Variants in FXN observed in about 807,000 individuals in gnomAD.
FXN encodes the protein frataxin, mitochondrial.
FXN carries 14 observed loss-of-function variants against 22.4 expected under a neutral mutation model. The observed-to-expected ratio is 0.62, with a 90% CI of 0.41 to 0.98. The LOEUF is 0.98. Ranked by LOEUF, FXN falls within the 50% of genes least tolerant of loss-of-function variation. The pLI, the probability that FXN is intolerant of heterozygous loss-of-function variation, is 0.00. For missense variants in FXN, 267 were observed against 268.4 expected (o/e 0.99, Z 0.04); for synonymous variants, 120 against 114.1 (o/e 1.05, Z -0.33).
At chr9:69,042,812 C>CA (rs1350464137) in intron 1 of FXN, among the ~76,000 whole-genome samples, 3 of 152,190 alleles carry the variant, frequency 2.0e-5, no homozygotes, top group Non-Finnish European at 2.9e-5. Context: ...CCCACATTCT[C>CA]AGACACTTTT....
chr9:69,063,898 G>A (rs745517860), intron 3 of FXN, among the ~76,000 whole-genome samples: 3 of 152,084 alleles, frequency 2.0e-5, no homozygotes, highest in Admixed American at 6.6e-5. Context: ...TGCCTAGGCC[G>A]GTCTGGAACT....
chr9:69,059,601 T>A (rs1832030100), intron 3 of FXN, among the ~76,000 whole-genome samples: 1 of 151,716 alleles, frequency 6.6e-6, no homozygotes, highest in African/African-American at 2.4e-5. Context: ...AGATGGGGTT[T>A]CACCATGTTG....
In FXN at chr9:69,078,268, C is replaced by A. The variant is rs377312254; in HGVS notation, c.*5506C>A. On this transcript the variant is annotated 3_prime_UTR_variant, in exon 5 of 5. Coordinates refer to ENST00000484259, the MANE Select transcript of FXN (RefSeq NM_000144.5). ...TGGTGCCACTGACAGTTATGCAAAC[C>A]GTCCAGAGCATAGCCACCTGATCCT... is the stretch of plus-strand genomic sequence containing the variant. The A allele has an allele frequency of 2.0e-6, 2 of 985,258 alleles. No individual in the cohort carries two copies. 61.0% of individuals were successfully genotyped at this position (985,258 alleles called of 1,614,324 possible). A position where few individuals can be genotyped will look rare whatever the true frequency, so the allele number is the denominator to read the frequency against.
intron 3 of FXN, among the ~76,000 whole-genome samples, chr9:69,064,636 C>T (rs1832137487): frequency 6.6e-6 from 1 of 152,134 alleles, no homozygotes; most frequent in Non-Finnish European, 1.5e-5. Context: ...AGCACCAAGA[C>T]CTGAGACAGG....
chr9:69,078,540 C>T lies in FXN; in HGVS notation c.*5778C>T. 1 of 985,532 alleles carries T rather than the reference C, an allele frequency of 1.0e-6. No homozygotes were observed. Among genetic ancestry groups the T allele is most frequent in the South Asian group, 4.7e-5 (1 of 21,284 alleles). The allele number at this position is 985,532 out of a possible 1,614,324, so 61.0% of individuals were successfully genotyped here. On this transcript the variant is annotated 3_prime_UTR_variant, in exon 5 of 5. Coordinates refer to ENST00000484259, the MANE Select transcript of FXN (RefSeq NM_000144.5). ...TGTAAAACCTAAGCAGGACCAAGGCCAAGTTTCTTAGCCTGAAAAATGTGC... is the reference window on the plus strand; with the variant it reads ...TGTAAAACCTAAGCAGGACCAAGGCTAAGTTTCTTAGCCTGAAAAATGTGC...
chr9:69,076,892 C>T lies in FXN; in HGVS notation c.*4130C>T. 1 of 985,412 alleles carries T rather than the reference C, an allele frequency of 1.0e-6. No homozygotes were observed. The highest frequency in any genetic ancestry group is 1.2e-6 in the Non-Finnish European group (1 of 829,944). 61.0% of individuals were successfully genotyped at this position (985,412 alleles called of 1,614,324 possible). On this transcript the variant is annotated 3_prime_UTR_variant, in exon 5 of 5. Coordinates refer to ENST00000484259, the MANE Select transcript of FXN (RefSeq NM_000144.5). ...TTTATGCTGTTCAAAACGACGAGTT[C>T]ATGACTTTGTGTATAGAGTAAGAAA...
At chr9:69,047,648 C>T (rs1040064303) in intron 2 of FXN, among the ~76,000 whole-genome samples, 2 of 152,212 alleles carry the variant, frequency 1.3e-5, no homozygotes, top group African/African-American at 4.8e-5. Context: ...CTGCTAATAA[C>T]AGTTTGGGGT....
Position 69,077,374 on chromosome 9 carries a change from T to C in FXN, c.*4612T>C. 1 of 985,468 alleles carries C rather than the reference T, an allele frequency of 1.0e-6. No homozygotes were observed. Among genetic ancestry groups the C allele is most frequent in the Non-Finnish European group, 1.2e-6 (1 of 829,958 alleles). 61.0% of individuals were successfully genotyped at this position (985,468 alleles called of 1,614,324 possible). On this transcript the variant is annotated 3_prime_UTR_variant, in exon 5 of 5. Coordinates refer to ENST00000484259, the MANE Select transcript of FXN (RefSeq NM_000144.5). ...ATCCAAGCTCATATGTTCCATCTTC[T>C]CTGGCTGTATAGTTTAAGGAATGGA...
In FXN at chr9:69,077,619, A is replaced by G; in HGVS notation, c.*4857A>G. 6 of 985,476 alleles carry G rather than the reference A, an allele frequency of 6.1e-6. No individual in the cohort carries two copies. The highest frequency in any genetic ancestry group is 7.2e-6 in the Non-Finnish European group (6 of 829,984). The allele number at this position is 985,476 out of a possible 1,614,324, so 61.0% of individuals were successfully genotyped here. ...GATCTGTGGGAACATTGTTAACGCC[A>G]CATCTTGACCTCAAATTGTTTAGCT... On this transcript the variant is annotated 3_prime_UTR_variant, in exon 5 of 5. Coordinates refer to ENST00000484259, the MANE Select transcript of FXN (RefSeq NM_000144.5).
At chr9:69,056,044 C>G (rs971806188) in intron 3 of FXN, among the ~76,000 whole-genome samples, 4 of 151,780 alleles carry the variant, frequency 2.6e-5, no homozygotes, top group Non-Finnish European at 5.9e-5. Flanking sequence ...CCACCATACT[C>G]GGCTAATTAT....
chr9:69,056,900 G>A (rs575773756), intron 3 of FXN, among the ~76,000 whole-genome samples: 21 of 143,518 alleles, frequency 1.5e-4, no homozygotes, highest in African/African-American at 4.2e-4. Context: ...CTGCCACCAC[G>A]CCTGGCTAAT....
intron 1 of FXN, 88 bp downstream of exon 1, chr9:69,036,035 G>C (rs1182186016): frequency 1.8e-6 from 2 of 1,134,614 alleles, no homozygotes; most frequent in Non-Finnish European, 2.2e-6. Context: ...CGCACGCCGG[G>C]GTCGCTCCGG....
chr9:69,036,829 AG>A (rs922257563), intron 1 of FXN, among the ~76,000 whole-genome samples: 6 of 152,184 alleles, frequency 3.9e-5, no homozygotes, highest in Admixed American at 3.9e-4. Flanking sequence ...AGATTCCTCA[AG>A]GGGAGGACAT....
At position 69,076,430 on chromosome 9, in the gene FXN, TACTTA is replaced by T. The variant is rs1832370883; in HGVS notation, c.*3673_*3677del. The T allele has an allele frequency of 1.0e-6, 1 of 985,412 alleles. No individual in the cohort carries two copies. The highest frequency in any genetic ancestry group is 1.7e-5 in the African/African-American group (1 of 57,356). 61.0% of individuals were successfully genotyped at this position (985,412 alleles called of 1,614,324 possible). The stretch of plus-strand genomic sequence containing the variant: ...TTGAACTTAATCAAAATACTCAGTT[TACTTA>T]ACTTCGTATTAGATTCTGATTCCCT... On this transcript the variant is annotated 3_prime_UTR_variant, in exon 5 of 5. Coordinates refer to ENST00000484259, the MANE Select transcript of FXN (RefSeq NM_000144.5).
intron 1 of FXN, among the ~76,000 whole-genome samples, chr9:69,037,420 C>G (rs1464327043): frequency 6.6e-6 from 1 of 151,844 alleles, no homozygotes; most frequent in African/African-American, 2.4e-5. Flanking sequence ...AAGCCAAGAT[C>G]GCCCAATGCA....
At chr9:69,048,891 G>A (rs1427797397) in intron 2 of FXN, among the ~76,000 whole-genome samples, 1 of 152,202 alleles carries the variant, frequency 6.6e-6, no homozygotes, top group Non-Finnish European at 1.5e-5. Context: ...TCCCGCCTGC[G>A]GTGTCTGTTC....
rs997425796 is a variant in FXN, at chr9:69,076,383, G to C, written c.*3621G>C. ...CATTGGAGGACTTCTCCCAAAATAT[G>C]GATGACGTTCCCTACTCAACCTTGA... On this transcript the variant is annotated 3_prime_UTR_variant, in exon 5 of 5. Coordinates refer to ENST00000484259, the MANE Select transcript of FXN (RefSeq NM_000144.5). 1.5e-5 allele frequency: 15 copies of C among 985,150 alleles called. No individual in the cohort carries two copies. In the African/African-American group the frequency reaches 2.6e-4, roughly 17 times the overall value. The allele number at this position is 985,150 out of a possible 1,614,324, so 61.0% of individuals were successfully genotyped here. A position where few individuals can be genotyped will look rare whatever the true frequency, so the allele number is the denominator to read the frequency against.
chr9:69,070,712 A>G (rs1393162087), intron 4 of FXN, among the ~76,000 whole-genome samples: 2 of 151,984 alleles, frequency 1.3e-5, no homozygotes, highest in African/African-American at 2.4e-5. Context: ...AAGGTTGTTT[A>G]ATATAAAAAA....
chr9:69,072,570 G>T, intron 4 of FXN, 42 bp from the exon 5 acceptor site: 1 of 1,613,250 alleles, frequency 6.2e-7, no homozygotes. Flanking sequence ...TCATCTGAAG[G>T]GCTGTGCTGT....
Sources: allele counts gnomAD v4.1 joint callset (sites outside exome capture counted in the v4.1 genomes callset), GRCh38; gene constraint gnomAD v4.1.1; transcripts MANE v1.5; gene names NCBI Gene and HGNC (gene_info 2026-07-23, HGNC 2026-07-21).